Variants in CNDP2 observed in about 807,000 individuals in gnomAD.
CNDP2 encodes carnosine dipeptidase 2, also known as cytosolic non-specific dipeptidase.
In CNDP2, 38 loss-of-function variants were observed where a neutral mutation model predicts 55.0. The ratio of observed to expected loss-of-function variants is 0.69; its 90% CI spans 0.53 to 0.90. CNDP2 has a LOEUF of 0.90. Ranked by LOEUF, CNDP2 falls within the 40% of genes least tolerant of loss-of-function variation. The pLI is 0.00. For missense variants in CNDP2, 607 were observed against 621.7 expected (o/e 0.98, Z 0.25); for synonymous variants, 241 against 260.2 (o/e 0.93, Z 0.71).
intron 11 of CNDP2, 48 bp downstream of exon 11, chr18:74,519,144 C>T: frequency 6.5e-7 from 1 of 1,540,596 alleles, no homozygotes; most frequent in Non-Finnish European, 8.8e-7. Flanking sequence ...GCACAGCGTC[C>T]CTCTCGCCCC....
intron 6 of CNDP2, among the ~76,000 whole-genome samples, chr18:74,511,721 AAG>A (rs1491036701): frequency 6.6e-6 from 1 of 151,928 alleles, no homozygotes; most frequent in African/African-American, 2.4e-5. Flanking sequence ...AAAAAAAAAA[AAG>A]AGAAACCGAG....
In CNDP2 at chr18:74,505,832, T is replaced by C. The variant is rs775469874; in HGVS notation, c.205-17T>C. On this transcript the variant is annotated splice_polypyrimidine_tract_variant and intron_variant, in intron 3 of 11. Coordinates refer to ENST00000324262, the MANE Select transcript of CNDP2 (RefSeq NM_018235.3). Reference sequence around the variant, plus strand: ...TAAACAAAGGCTGTCCTTGGTTCCTTTCCTCTCCATGCTCAGCTCCCTGAT... The same window carrying C: ...TAAACAAAGGCTGTCCTTGGTTCCTCTCCTCTCCATGCTCAGCTCCCTGAT... The C allele has an allele frequency of 1.2e-6, 2 of 1,612,928 alleles. No homozygotes were observed. The highest frequency in any genetic ancestry group is 2.2e-5 in the South Asian group (2 of 90,862).
chr18:74,511,267 G>T (rs1347188243), intron 6 of CNDP2: 5 of 516,352 alleles, frequency 9.7e-6, no homozygotes, highest in Non-Finnish European at 1.7e-5. Context: ...TTGCTTTGGA[G>T]CGGCTGAGAG....
At chr18:74,502,706 T>C (rs761903827) in intron 3 of CNDP2, among the ~76,000 whole-genome samples, 6 of 152,256 alleles carry the variant, frequency 3.9e-5, no homozygotes, top group Non-Finnish European at 8.8e-5. Flanking sequence ...TTTGATCTAA[T>C]GATAAGCTAT....
intron 9 of CNDP2, chr18:74,518,228 C>CAG (rs1979816808): frequency 1.2e-5 from 3 of 259,906 alleles, no homozygotes; most frequent in African/African-American, 2.2e-5. Flanking sequence ...CGCCACTGTG[C>CAG]TCCAGCCTGG....
At position 74,513,672 on chromosome 18, in the gene CNDP2, G is replaced by C; in HGVS notation, c.856G>C (p.Glu286Gln). The change falls in exon 8 of 12, where the codon GAG becomes CAG. Residue 286 changes from glutamate (E) to glutamine (Q), a missense_variant. Transcript: ENST00000324262. ...LYDDIDFDIE[E>Q]FAKDVGAQIL... ...CGACGACATCGACTTTGACATAGAG[G>C]AGTTTGCCAAGGATGTGGGGGCGCA... 1 of 1,614,106 alleles carries C rather than the reference G, an allele frequency of 6.2e-7. No homozygotes were observed. Among genetic ancestry groups the C allele is most frequent in the Non-Finnish European group, 8.5e-7 (1 of 1,180,018 alleles).
intron 8 of CNDP2, among the ~76,000 whole-genome samples, chr18:74,515,679 C>T (rs1389030951): frequency 6.6e-6 from 1 of 152,168 alleles, no homozygotes; most frequent in South Asian, 2.1e-4. Flanking sequence ...TGATGACACA[C>T]TTGGGAAACA....
chr18:74,510,792 C>T lies in CNDP2; in HGVS notation c.457-21C>T, dbSNP rs373487786. ...AGGTTCGCAAAGCTGAATATCCACT[C>T]GTGCTGTTCCCTTCTCACAGGAGAT... On this transcript the variant is annotated intron_variant, in intron 5 of 11. Coordinates refer to ENST00000324262, the MANE Select transcript of CNDP2 (RefSeq NM_018235.3). 1.0e-3 allele frequency: 1,618 copies of T among 1,600,908 alleles called. 5 individuals are homozygous for T. The highest frequency in any genetic ancestry group is 7.7e-3 in the Middle Eastern group (42 of 5,460).
At chr18:74,502,377 T>A (rs954719504) in intron 3 of CNDP2, among the ~76,000 whole-genome samples, 2 of 152,182 alleles carry the variant, frequency 1.3e-5, no homozygotes, top group African/African-American at 4.8e-5. Flanking sequence ...GTAGTTTTGT[T>A]CACTTAAAGT....
At position 74,513,628 on chromosome 18, in the gene CNDP2, A is replaced by G. The variant is rs748642840; in HGVS notation, c.812A>G (p.Glu271Gly). 24 of 1,613,908 alleles carry G rather than the reference A, an allele frequency of 1.5e-5. No homozygotes were observed. In the East Asian group the frequency reaches 5.3e-4, roughly 36 times the overall value. The change falls in exon 8 of 12, where the codon GAA becomes GGA. Residue 271 changes from glutamate to glycine, a missense_variant. Transcript: ENST00000324262. ...GINEAVAAVT[E>G]EEHKLYDDID... ...AACGAGGCCGTGGCCGCCGTCACGG[A>G]AGAGGAGCACAAGCTGTACGACGAC...
At chr18:74,497,406 T>C (rs904710840) in intron 1 of CNDP2, 2 of 152,242 alleles carry the variant, frequency 1.3e-5, no homozygotes, top group Non-Finnish European at 2.9e-5. Context: ...TTCTCAGAAC[T>C]AGAAGACTCA....
At chr18:74,510,577 T>G (rs919747830) in intron 5 of CNDP2, among the ~76,000 whole-genome samples, 12 of 152,148 alleles carry the variant, frequency 7.9e-5, no homozygotes, top group African/African-American at 2.9e-4. Context: ...GAAGCTCCCC[T>G]CGGTCATGTG....
chr18:74,516,437 T>G (rs775971426), intron 9 of CNDP2, 45 bp downstream of exon 9: 8 of 1,547,618 alleles, frequency 5.2e-6, no homozygotes, highest in African/African-American at 2.7e-5. Context: ...AGCTACTGTG[T>G]CCGGGCAGAG....
chr18:74,501,239 G>A, intron 2 of CNDP2, 90 bp from the exon 3 acceptor site: 1 of 1,519,504 alleles, frequency 6.6e-7, no homozygotes, highest in Non-Finnish European at 8.8e-7. Flanking sequence ...GCCACAGAGG[G>A]TGAGCCTGGA....
intron 3 of CNDP2, among the ~76,000 whole-genome samples, chr18:74,504,484 G>A (rs1037589241): frequency 5.9e-5 from 9 of 152,248 alleles, no homozygotes; most frequent in African/African-American, 1.9e-4. Flanking sequence ...GCCCAGTTTC[G>A]TAAAGTGCTT....
intron 1 of CNDP2, among the ~76,000 whole-genome samples, chr18:74,497,323 A>T (rs1487603620): frequency 1.3e-5 from 2 of 152,162 alleles, no homozygotes; most frequent in African/African-American, 4.8e-5. Flanking sequence ...ATTGGTTCTT[A>T]ATCAGACATG....
Position 74,520,150 on chromosome 18 carries a change from A to G in CNDP2, c.*82A>G. The G allele has an allele frequency of 7.6e-7, 1 of 1,321,670 alleles. No homozygotes were observed. Among genetic ancestry groups the G allele is most frequent in the Non-Finnish European group, 1.1e-6 (1 of 922,124 alleles). 81.9% of individuals were successfully genotyped at this position (1,321,670 alleles called of 1,614,324 possible). On this transcript the variant is annotated 3_prime_UTR_variant, in exon 12 of 12. Coordinates refer to ENST00000324262, the MANE Select transcript of CNDP2 (RefSeq NM_018235.3). Reference sequence around the variant, plus strand: ...TTTTCCAACTTGCCCAGGGAAGTGGAGGTTCCCTCTTTCCTTTCCCTCTTG... The same window carrying G: ...TTTTCCAACTTGCCCAGGGAAGTGGGGGTTCCCTCTTTCCTTTCCCTCTTG...
rs187279679 is a variant in CNDP2, at chr18:74,499,722, A to G, written c.-92-160A>G. On this transcript the variant is annotated intron_variant, in intron 1 of 11. Coordinates refer to ENST00000324262, the MANE Select transcript of CNDP2 (RefSeq NM_018235.3). The stretch of plus-strand genomic sequence containing the variant: ...GGAATTTTGTGTAATTTTCCTTCCA[A>G]GTAAAGAAGGGAAGTTTAGCCCCAG... The G allele has an allele frequency of 1.2e-3, 472 of 403,872 alleles. 3 individuals carry two copies. The highest frequency in any genetic ancestry group is 8.8e-3 in the African/African-American group (433 of 49,004). 25.0% of individuals were successfully genotyped at this position (403,872 alleles called of 1,614,324 possible). A position where few individuals can be genotyped will look rare whatever the true frequency, so the allele number is the denominator to read the frequency against.
At chr18:74,510,414 G>A (rs768333690) in intron 5 of CNDP2, among the ~76,000 whole-genome samples, 1 of 152,200 alleles carries the variant, frequency 6.6e-6, no homozygotes, top group Non-Finnish European at 1.5e-5. Flanking sequence ...GGCTCCTCGG[G>A]GAGAGCAGCG....
Sources: gnomAD v4.1 joint callset for allele counts (sites outside exome capture counted in the v4.1 genomes callset) on GRCh38, gnomAD v4.1.1 for gene constraint, MANE v1.5 for transcripts, NCBI Gene and HGNC (gene_info 2026-07-23, HGNC 2026-07-21) for gene names.